Variants in MAGI2 observed in about 807,000 individuals in gnomAD.
The protein encoded by MAGI2 is membrane associated guanylate kinase, WW and PDZ domain containing 2, also known as membrane-associated guanylate kinase, WW and PDZ domain-containing protein 2.
Under a neutral mutation model 133.3 loss-of-function variants are expected in MAGI2, and 35 were observed. The observed-to-expected ratio is 0.26, with a 90% CI of 0.20 to 0.35. MAGI2 has a LOEUF of 0.35. Among genes scored for constraint, MAGI2 ranks in the 10% least tolerant of loss-of-function variants. The pLI, the probability that MAGI2 is intolerant of heterozygous loss-of-function variation, is 1.00. For missense variants in MAGI2, 1,636 were observed against 1,863.4 expected, an observed-to-expected ratio of 0.88 and a Z score of 2.25; for synonymous variants, 729 against 710.6, an observed-to-expected ratio of 1.03 and a Z score of -0.41.
At chr7:78,877,060 C>T (rs1330779976) in intron 2 of MAGI2, among the ~76,000 whole-genome samples, 3 of 152,172 alleles carry the variant, frequency 2.0e-5, no homozygotes, top group African/African-American at 7.2e-5. Flanking sequence ...CTCCTCCTTA[C>T]TTTCTGGCAC....
intron 10 of MAGI2, among the ~76,000 whole-genome samples, chr7:78,250,560 C>T (rs374985195): frequency 5.3e-5 from 8 of 151,716 alleles, no homozygotes; most frequent in Admixed American, 3.9e-4. Flanking sequence ...AATGTTGAAA[C>T]GGAAAACAGA....
At chr7:79,059,182 A>T (rs540562456) in intron 1 of MAGI2, among the ~76,000 whole-genome samples, 2 of 152,090 alleles carry the variant, frequency 1.3e-5, no homozygotes, top group South Asian at 4.1e-4. Context: ...CAAGTTACAC[A>T]CTCTCATAAT....
intron 21 of MAGI2, among the ~76,000 whole-genome samples, chr7:78,071,795 T>C (rs950574853): frequency 7.2e-5 from 11 of 152,188 alleles, no homozygotes; most frequent in Non-Finnish European, 1.5e-5. Flanking sequence ...GTGGAAGCTC[T>C]CATGGAAAAG....
At chr7:78,667,501 T>G (rs1187377128) in intron 2 of MAGI2, among the ~76,000 whole-genome samples, 1 of 151,888 alleles carries the variant, frequency 6.6e-6, no homozygotes, top group African/African-American at 2.4e-5. Flanking sequence ...TAACTCGTTA[T>G]TTAGCATTAG....
chr7:78,132,692 A>G (rs1345682839), intron 18 of MAGI2, among the ~76,000 whole-genome samples, 197 bp downstream of exon 18: 1 of 152,210 alleles, frequency 6.6e-6, no homozygotes, highest in African/African-American at 2.4e-5. Flanking sequence ...CTCTTTGTGA[A>G]GGACAGACAC....
rs1435509903 is a variant in MAGI2, at chr7:78,773,762, C to T, written c.419-146523G>A. The stretch of plus-strand genomic sequence containing the variant: ...GGTTTTCAGGCAGAGACACAAAGAA[C>T]ACGAACAAACCTAAAGGGCTGCGAG... On this transcript the variant is annotated intron_variant, in intron 2 of 21. Transcript: ENST00000354212. Among the ~76,000 whole-genome samples the T allele has an allele frequency of 2.6e-5, 4 of 152,144 alleles. No individual in the cohort carries two copies. In the East Asian group the frequency reaches 7.7e-4, roughly 29 times the overall value.
At chr7:78,552,174 TC>T (rs1799390945) in intron 3 of MAGI2, among the ~76,000 whole-genome samples, 2 of 146,650 alleles carry the variant, frequency 1.4e-5, no homozygotes, top group African/African-American at 2.5e-5. Flanking sequence ...ACATTTGTTT[TC>T]CTTTTTTTTT....
chr7:78,411,836 T>A (rs1296161394), intron 6 of MAGI2, among the ~76,000 whole-genome samples: 4 of 152,056 alleles, frequency 2.6e-5, no homozygotes, highest in African/African-American at 9.7e-5. Flanking sequence ...CTTGACTTCA[T>A]TTAAATGAAT....
rs569598033 is a variant in MAGI2, at chr7:78,628,922, C to G, written c.419-1683G>C. Among the ~76,000 whole-genome samples the G allele has an allele frequency of 2.4e-4, 37 of 151,652 alleles. 1 individual carries two copies. The South Asian group carries it at 7.3e-3, about 30-fold the overall frequency. ...TTTTCTGTTTATTTAGAACACACTCCAATCATTAAGAAAAAAATCACATAA... is the reference window on the plus strand; with the variant it reads ...TTTTCTGTTTATTTAGAACACACTCGAATCATTAAGAAAAAAATCACATAA... On this transcript the variant is annotated intron_variant, in intron 2 of 21. Transcript: ENST00000354212.
At chr7:79,227,949 T>C (rs1490242283) in intron 1 of MAGI2, among the ~76,000 whole-genome samples, 3 of 152,168 alleles carry the variant, frequency 2.0e-5, no homozygotes, top group Non-Finnish European at 2.9e-5. Context: ...TTTAAAAGTG[T>C]TGGCACCACT....
At chr7:78,420,357 T>C (rs754794102) in intron 6 of MAGI2, among the ~76,000 whole-genome samples, 2 of 152,304 alleles carry the variant, frequency 1.3e-5, no homozygotes, top group South Asian at 2.1e-4. Context: ...ATAGAAAATA[T>C]GTAAATTGAC....
chr7:79,186,755 A>ATATATATACACAAAAG (rs1462578002), intron 1 of MAGI2, among the ~76,000 whole-genome samples: 1 of 24,652 alleles, frequency 4.1e-5, no homozygotes, highest in Non-Finnish European at 3.5e-4. Context: ...ACAAAAGTAT[A>ATATATATACACAAAAG]TATATATATA....
intron 1 of MAGI2, among the ~76,000 whole-genome samples, chr7:79,024,496 ACC>A (rs1219908858): frequency 6.7e-6 from 1 of 149,984 alleles, no homozygotes; most frequent in African/African-American, 2.5e-5. Flanking sequence ...ACTTAATTAA[ACC>A]AAAGAGCTTC....
At chr7:79,115,643 A>G (rs1161791678) in intron 1 of MAGI2, among the ~76,000 whole-genome samples, 1 of 152,106 alleles carries the variant, frequency 6.6e-6, no homozygotes, top group Non-Finnish European at 1.5e-5. Context: ...ATGATGAATA[A>G]CCATTTCATG....
intron 1 of MAGI2, among the ~76,000 whole-genome samples, chr7:79,123,709 C>A (rs1820118588): frequency 7.2e-6 from 1 of 138,976 alleles, no homozygotes; most frequent in Non-Finnish European, 1.5e-5. Context: ...TCGCTTGAAC[C>A]CGGGAGGCAG....
chr7:79,140,365 A>G (rs572146825), intron 1 of MAGI2, among the ~76,000 whole-genome samples: 1 of 152,278 alleles, frequency 6.6e-6, no homozygotes, highest in African/African-American at 2.4e-5. Context: ...ATTTTTTGAA[A>G]TTCACAAGCT....
At chr7:78,164,517 C>G (rs965705803) in intron 15 of MAGI2, among the ~76,000 whole-genome samples, 1 of 152,156 alleles carries the variant, frequency 6.6e-6, no homozygotes, top group African/African-American at 2.4e-5. Context: ...TCAAGGCAGA[C>G]AGCTTATTTA....
intron 6 of MAGI2, among the ~76,000 whole-genome samples, chr7:78,454,249 T>G (rs1037361585): frequency 2.0e-5 from 3 of 152,184 alleles, no homozygotes; most frequent in African/African-American, 7.2e-5. Context: ...AGCATTTGCA[T>G]CAGGCTTTTG....
chr7:78,192,357 G>A (rs10808143), intron 12 of MAGI2, among the ~76,000 whole-genome samples: 146,258 of 152,196 alleles, frequency 0.96, 70,536 homozygotes, highest in East Asian at 1. Context: ...GTTTCGGTAT[G>A]TACATTTTAT....
Sources: allele counts gnomAD v4.1 joint callset (sites outside exome capture counted in the v4.1 genomes callset), GRCh38; gene constraint gnomAD v4.1.1; transcripts MANE v1.5; gene names NCBI Gene and HGNC (gene_info 2026-07-23, HGNC 2026-07-21).